The following VAV1 variants were observed in gnomAD, a reference collection of about 807,000 sequenced individuals.
The protein encoded by VAV1 is proto-oncogene vav.
A neutral mutation model predicts 128.1 loss-of-function variants in VAV1; 33 were observed. The observed-to-expected ratio is 0.26, with a 90% CI of 0.20 to 0.34. The LOEUF is 0.34. Among genes scored for constraint, VAV1 ranks in the 10% least tolerant of loss-of-function variants. The pLI, the probability that VAV1 is intolerant of heterozygous loss-of-function variation, is 1.00. For synonymous variants in VAV1, 394 were observed against 409.8 expected (o/e 0.96, Z 0.47); for missense variants, 715 against 1,093.7 (o/e 0.65, Z 4.88).
chr19:6,838,201 A>C (rs1469302060), intron 21 of VAV1, among the ~76,000 whole-genome samples: 1 of 66,988 alleles, frequency 1.5e-5, no homozygotes, highest in African/African-American at 4.1e-5. Flanking sequence ...CCTATCACCT[A>C]TCTACCCATC....
At chr19:6,838,952 G>T (rs1972299253) in intron 21 of VAV1, among the ~76,000 whole-genome samples, 1 of 151,820 alleles carries the variant, frequency 6.6e-6, no homozygotes, top group African/African-American at 2.4e-5. Flanking sequence ...TCCCAGGCTG[G>T]AGTGCAGTGG....
intron 21 of VAV1, among the ~76,000 whole-genome samples, chr19:6,841,204 C>T (rs937212488): frequency 1.3e-5 from 2 of 152,104 alleles, no homozygotes; most frequent in Admixed American, 6.6e-5. Flanking sequence ...CATGAGCCAC[C>T]GTGCTGGGCA....
rs369300455 is a variant in VAV1 at position 6,820,672 on chromosome 19, C to G, written c.205-30C>G. The G allele has an allele frequency of 6.2e-7, 1 of 1,602,484 alleles. No homozygotes were observed. Among genetic ancestry groups the G allele is most frequent in the Non-Finnish European group, 8.6e-7 (1 of 1,169,580 alleles). On this transcript the variant is annotated intron_variant, in intron 1 of 26. Coordinates refer to ENST00000602142, the MANE Select transcript of VAV1 (RefSeq NM_005428.4). This position sits in a 1 kb window ranked among gnomAD's most constrained non-coding sequence, Gnocchi z 4.4. ...GTTTCTCCCCTGCCCTTTCGTACTG[C>G]CCCACCCTCATTTCTCTGTCTCCTC...
intron 13 of VAV1, among the ~76,000 whole-genome samples, chr19:6,829,138 A>C (rs767040794): frequency 5.2e-4 from 74 of 141,022 alleles, no homozygotes; most frequent in Non-Finnish European, 8.4e-4. Flanking sequence ...ATCTGGGAGG[A>C]GCCTGGGCAG....
At chr19:6,810,514 G>T (rs1971491845) in intron 1 of VAV1, among the ~76,000 whole-genome samples, 1 of 151,830 alleles carries the variant, frequency 6.6e-6, no homozygotes, top group African/African-American at 2.4e-5. Context: ...GACCAGCCTG[G>T]CCTACATGGT....
At chr19:6,793,480 A>G (rs1255641122) in intron 1 of VAV1, among the ~76,000 whole-genome samples, 1 of 152,076 alleles carries the variant, frequency 6.6e-6, no homozygotes, top group Non-Finnish European at 1.5e-5. Context: ...GAGAAGAAAC[A>G]TGGTCTTGGG....
rs568255569 is a variant in VAV1 at position 6,838,661 on chromosome 19, T to A, written c.1980+1611T>A. 4.5e-4 allele frequency among the ~76,000 whole-genome samples: 68 copies of A among 152,256 alleles called. 1 individual carries two copies. In the Middle Eastern group the frequency reaches 0.02, roughly 46 times the overall value. ...ATCATTTATCCATCACCTGTCTGTT[T>A]ATCATCTATCATCTTTCCATCTATC... is the stretch of plus-strand genomic sequence containing the variant. On this transcript the variant is annotated intron_variant, in intron 21 of 26. Coordinates refer to ENST00000602142, the MANE Select transcript of VAV1 (RefSeq NM_005428.4).
chr19:6,853,860 G>A (rs1039313034), intron 25 of VAV1, 87 bp from the exon 26 acceptor site: 175 of 1,532,324 alleles, frequency 1.1e-4, no homozygotes, highest in Non-Finnish European at 1.5e-4. Flanking sequence ...CTTTATCCTG[G>A]AGTTACTGTC....
Position 6,826,746 on chromosome 19 carries a change from G to T in VAV1, c.927+35G>T, listed in dbSNP as rs535492965. The T allele has an allele frequency of 6.7e-7, 1 of 1,498,232 alleles. No individual in the cohort carries two copies. Among genetic ancestry groups the T allele is most frequent in the East Asian group, 2.5e-5 (1 of 40,734 alleles). 92.8% of individuals were successfully genotyped at this position (1,498,232 alleles called of 1,614,324 possible). A position where few individuals can be genotyped will look rare whatever the true frequency, so the allele number is the denominator to read the frequency against. ...GGGCCACTTCTCGGGGGCCTCTCCCGCTCCTCCCCAGGCCCTGGGGGCAGC... is the reference window on the plus strand; with the variant it reads ...GGGCCACTTCTCGGGGGCCTCTCCCTCTCCTCCCCAGGCCCTGGGGGCAGC... On this transcript the variant is annotated intron_variant, in intron 9 of 26. Coordinates refer to ENST00000602142, the MANE Select transcript of VAV1 (RefSeq NM_005428.4). The surrounding 1 kb of genome is among the most constrained non-coding windows in gnomAD (Gnocchi z 4.1).
chr19:6,802,177 C>T (rs903495894), intron 1 of VAV1, among the ~76,000 whole-genome samples: 1 of 151,660 alleles, frequency 6.6e-6, no homozygotes, highest in Non-Finnish European at 1.5e-5. Flanking sequence ...ACATCACACA[C>T]AGGGGACTGT....
chr19:6,827,054 C>A, intron 9 of VAV1: 1 of 291,558 alleles, frequency 3.4e-6, no homozygotes, highest in Admixed American at 4.2e-5. Flanking sequence ...CCAATTCCAA[C>A]CAACCCCTGA....
Position 6,825,310 on chromosome 19 carries a change from T to A in VAV1, c.731T>A (p.Leu244His). 1 of 1,612,150 alleles carries A rather than the reference T, an allele frequency of 6.2e-7. No individual in the cohort carries two copies. ...ACCCTTCCCTCCGAGTAGGACCTGCTTCGTGTTCATACTCACTTCCTAAAG... is the reference window on the plus strand; with the variant it reads ...ACCCTTCCCTCCGAGTAGGACCTGCATCGTGTTCATACTCACTTCCTAAAG... ...EIIFINIEDLLRVHTHFLKEM... is the reference protein window; with the variant it reads ...EIIFINIEDLHRVHTHFLKEM... Residue 244 changes from leucine to histidine, a missense_variant, in exon 8 of 27, where the codon CTT becomes CAT. Leu to His is a moderately conservative substitution (Grantham distance 99). This residue lies in a region of VAV1 where 302 missense variants were observed against 477.8 expected (regional missense o/e 0.63). Transcript: ENST00000602142.
rs138036301 is a variant in VAV1, at chr19:6,822,351, G to A, written c.558+22G>A. 9 of 1,537,046 alleles carry A rather than the reference G, an allele frequency of 5.9e-6. No homozygotes were observed. Among genetic ancestry groups the A allele is most frequent in the Non-Finnish European group, 7.9e-6 (9 of 1,132,906 alleles). ...GCCGGTGCGTGACGTGGAGGGTCGGGCCTGGGGAGGGCGTGGGCGGGGGGC... is the reference window on the plus strand; with the variant it reads ...GCCGGTGCGTGACGTGGAGGGTCGGACCTGGGGAGGGCGTGGGCGGGGGGC... On this transcript the variant is annotated intron_variant, in intron 5 of 26. Coordinates refer to ENST00000602142, the MANE Select transcript of VAV1 (RefSeq NM_005428.4). The surrounding 1 kb of genome is among the most constrained non-coding windows in gnomAD (Gnocchi z 5.9).
chr19:6,798,464 T>G (rs1971189928), intron 1 of VAV1, among the ~76,000 whole-genome samples: 1 of 151,538 alleles, frequency 6.6e-6, no homozygotes, highest in South Asian at 2.1e-4. Context: ...CAGCCTCATC[T>G]CTAATAAATA....
At chr19:6,843,859 T>A (rs1972442018) in intron 22 of VAV1, among the ~76,000 whole-genome samples, 1 of 151,958 alleles carries the variant, frequency 6.6e-6, no homozygotes, top group Non-Finnish European at 1.5e-5. Flanking sequence ...GAAATAGCTC[T>A]TGCGATCCAC....
chr19:6,821,009 C>T (rs568196278), intron 2 of VAV1, among the ~76,000 whole-genome samples, 191 bp downstream of exon 2: 1 of 152,300 alleles, frequency 6.6e-6, no homozygotes, highest in South Asian at 2.1e-4. Flanking sequence ...GCTGTGTGAC[C>T]TTGGATACGT....
rs1972125954 is a variant in VAV1, at chr19:6,833,094, G to C, written c.1509-90G>C. 11 of 1,162,056 alleles carry C rather than the reference G, an allele frequency of 9.5e-6. No homozygotes were observed. The South Asian group carries it at 1.6e-4, about 17-fold the overall frequency. 72.0% of individuals were successfully genotyped at this position (1,162,056 alleles called of 1,614,324 possible). A position where few individuals can be genotyped will look rare whatever the true frequency, so the allele number is the denominator to read the frequency against. ...TGAATGAGTGGACACGCAAAACGTGGTCTGTTCATACCATGGAATAGTATT... is the reference window on the plus strand; with the variant it reads ...TGAATGAGTGGACACGCAAAACGTGCTCTGTTCATACCATGGAATAGTATT... On this transcript the variant is annotated intron_variant, in intron 15 of 26. Coordinates refer to ENST00000602142, the MANE Select transcript of VAV1 (RefSeq NM_005428.4).
At chr19:6,851,648 A>G (rs550760625) in intron 24 of VAV1, among the ~76,000 whole-genome samples, 1 of 152,012 alleles carries the variant, frequency 6.6e-6, no homozygotes, top group African/African-American at 2.4e-5. Context: ...TTCAGCAACA[A>G]CTCAAATGCC....
chr19:6,837,133 C>T (rs763059084), intron 21 of VAV1, 83 bp downstream of exon 21: 3 of 1,455,070 alleles, frequency 2.1e-6, no homozygotes, highest in East Asian at 2.3e-5. Context: ...GAAAGACACC[C>T]CCGGAGTTGG....
Sources: gnomAD v4.1 joint callset for allele counts (sites outside exome capture counted in the v4.1 genomes callset) on GRCh38, gnomAD v4.1.1 for gene constraint, gnomAD v4.1.1 regional missense constraint, Gnocchi (gnomAD v3.1) non-coding constraint, MANE v1.5 for transcripts, NCBI Gene and HGNC (gene_info 2026-07-23, HGNC 2026-07-21) for gene names.